The following CSMD1 variants were observed in gnomAD, a reference collection of about 807,000 sequenced individuals.
CSMD1 encodes the protein CUB and sushi domain-containing protein 1.
CSMD1 carries 213 observed loss-of-function variants against 417.5 expected under a neutral mutation model. The observed-to-expected ratio is 0.51, with a 90% CI of 0.46 to 0.57. The LOEUF is 0.57. CSMD1 is among the 20% of genes least tolerant of loss of function. The probability of loss-of-function intolerance (pLI) is 0.00; values close to 1 mark genes in which losing one functional copy is unlikely to be tolerated. For synonymous variants in CSMD1, 2,862 were observed against 1,736.8 expected (o/e 1.65, Z -16.11); for missense variants, 6,923 against 4,529.7 (o/e 1.53, Z -15.17).
At chr8:3,855,830 C>G (rs140877609) in intron 5 of CSMD1, among the ~76,000 whole-genome samples, 1 of 152,194 alleles carries the variant, frequency 6.6e-6, no homozygotes, top group Non-Finnish European at 1.5e-5. Context: ...ACGTAAACAT[C>G]TTTGATTTAG....
chr8:3,837,618 G>C (rs533279558), intron 5 of CSMD1, among the ~76,000 whole-genome samples: 1 of 152,134 alleles, frequency 6.6e-6, no homozygotes, highest in Non-Finnish European at 1.5e-5. Context: ...AAATTCTAGC[G>C]TTTGTGGAAT....
chr8:3,223,651 T>A, intron 28 of CSMD1, 78 bp downstream of exon 28: 1 of 1,443,528 alleles, frequency 6.9e-7, no homozygotes, highest in South Asian at 1.2e-5. Context: ...TTAGAGACTA[T>A]GAGGTCATAA....
chr8:3,709,940 G>A (rs1370554587), intron 6 of CSMD1, among the ~76,000 whole-genome samples: 4 of 151,180 alleles, frequency 2.6e-5, no homozygotes, highest in Non-Finnish European at 1.5e-5. Flanking sequence ...ACAAGGGGTT[G>A]GGGCACTGAC....
chr8:4,101,396 A>G (rs1801298359), intron 3 of CSMD1, among the ~76,000 whole-genome samples: 1 of 152,164 alleles, frequency 6.6e-6, no homozygotes, highest in East Asian at 1.9e-4. Context: ...GATCCCACTC[A>G]GGTTGGTTGG....
intron 3 of CSMD1, among the ~76,000 whole-genome samples, chr8:4,370,215 G>T (rs538256385): frequency 6.6e-6 from 1 of 152,106 alleles, no homozygotes; most frequent in Admixed American, 6.6e-5. Flanking sequence ...TTAGTTTGGT[G>T]AGATACGAAA....
At chr8:4,905,291 C>T (rs1327841187) in intron 1 of CSMD1, among the ~76,000 whole-genome samples, 1 of 152,058 alleles carries the variant, frequency 6.6e-6, no homozygotes, top group Non-Finnish European at 1.5e-5. Flanking sequence ...TTAGGGTGCC[C>T]AGAGTCTAAT....
chr8:4,455,567 T>C (rs1021357302), intron 2 of CSMD1, among the ~76,000 whole-genome samples: 2 of 152,148 alleles, frequency 1.3e-5, no homozygotes, highest in Admixed American at 1.3e-4. Flanking sequence ...GACCTCCTGC[T>C]TGTGAGATCA....
At chr8:4,220,922 C>T (rs1166955497) in intron 3 of CSMD1, among the ~76,000 whole-genome samples, 1 of 152,194 alleles carries the variant, frequency 6.6e-6, no homozygotes, top group African/African-American at 2.4e-5. Flanking sequence ...CCTGATAGAA[C>T]ATGTGTGTGC....
chr8:3,162,879 T>C (rs151039802), intron 37 of CSMD1, among the ~76,000 whole-genome samples: 1 of 152,174 alleles, frequency 6.6e-6, no homozygotes, highest in Non-Finnish European at 1.5e-5. Flanking sequence ...TGAATTGCAT[T>C]CAGTTAAGAC....
chr8:3,806,642 T>G (rs1472132733), intron 5 of CSMD1, among the ~76,000 whole-genome samples: 3 of 152,216 alleles, frequency 2.0e-5, no homozygotes, highest in Non-Finnish European at 2.9e-5. Context: ...GCTTCATATG[T>G]GCATCAGACA....
At chr8:4,188,341 A>G (rs556469769) in intron 3 of CSMD1, among the ~76,000 whole-genome samples, 7 of 152,284 alleles carry the variant, frequency 4.6e-5, no homozygotes, top group African/African-American at 1.7e-4. Flanking sequence ...ATGAAAGACA[A>G]TGCAAACCGA....
intron 5 of CSMD1, among the ~76,000 whole-genome samples, chr8:3,764,116 G>A (rs1014884316): frequency 3.3e-5 from 5 of 152,098 alleles, no homozygotes; most frequent in Non-Finnish European, 7.4e-5. Flanking sequence ...GACTAGAGGC[G>A]ACCAAAGCAG....
chr8:4,377,034 G>T (rs915527691), intron 3 of CSMD1, among the ~76,000 whole-genome samples: 2 of 152,150 alleles, frequency 1.3e-5, no homozygotes, highest in Non-Finnish European at 2.9e-5. Flanking sequence ...GGATGGCCTC[G>T]TCGGTTTCAG....
At chr8:4,139,515 T>C (rs75031315) in intron 3 of CSMD1, among the ~76,000 whole-genome samples, 45,662 of 147,086 alleles carry the variant, frequency 0.31, 8,579 homozygotes, top group Non-Finnish European at 0.39. Context: ...TTCAGTGTTG[T>C]GGATCTCAGG....
At chr8:3,492,517 T>C (rs1818443527) in intron 11 of CSMD1, among the ~76,000 whole-genome samples, 1 of 152,180 alleles carries the variant, frequency 6.6e-6, no homozygotes, top group Non-Finnish European at 1.5e-5. Context: ...AGAGAAGCTA[T>C]CTGTGGAGTT....
At chr8:4,587,129 C>T (rs1417519545) in intron 2 of CSMD1, among the ~76,000 whole-genome samples, 1 of 152,176 alleles carries the variant, frequency 6.6e-6, no homozygotes, top group Non-Finnish European at 1.5e-5. Flanking sequence ...GGTGCGCTCT[C>T]TTCTTCCACA....
intron 5 of CSMD1, among the ~76,000 whole-genome samples, chr8:3,832,307 A>G (rs1376501226): frequency 6.6e-6 from 1 of 152,198 alleles, no homozygotes; most frequent in Non-Finnish European, 1.5e-5. Context: ...TTTACCGTTA[A>G]AACGCAATGA....
intron 48 of CSMD1, among the ~76,000 whole-genome samples, chr8:3,090,993 A>T (rs968155446): frequency 6.6e-6 from 1 of 152,112 alleles, no homozygotes; most frequent in Non-Finnish European, 1.5e-5. Flanking sequence ...GGGCAAAATA[A>T]TTTACATTTT....
intron 1 of CSMD1, among the ~76,000 whole-genome samples, chr8:4,922,966 G>A (rs116639262): frequency 0.013 from 1,965 of 152,204 alleles, 36 homozygotes; most frequent in African/African-American, 0.046. Flanking sequence ...TTCCATCACA[G>A]AAATACTCAC....
Sources: allele counts gnomAD v4.1 joint callset (sites outside exome capture counted in the v4.1 genomes callset), GRCh38; gene constraint gnomAD v4.1.1; transcripts MANE v1.5; gene names NCBI Gene and HGNC (gene_info 2026-07-23, HGNC 2026-07-21).